ARHGAP32: variants seen among roughly 807,000 people sequenced by gnomAD.
The protein encoded by ARHGAP32 is Rho GTPase activating protein 32.
ARHGAP32 carries 51 observed loss-of-function variants against 186.5 expected under a neutral mutation model. The observed-to-expected ratio is 0.27, with a 90% CI of 0.22 to 0.35. ARHGAP32 has a LOEUF of 0.35. Among genes scored for constraint, ARHGAP32 ranks in the 10% least tolerant of loss-of-function variants. ARHGAP32 has a pLI of 1.00. For synonymous variants in ARHGAP32, 950 were observed against 964.3 expected (o/e 0.99, Z 0.27); for missense variants, 2,186 against 2,623.5 (o/e 0.83, Z 3.64).
chr11:129,220,805 A>G (rs982068956), intron 1 of ARHGAP32, among the ~76,000 whole-genome samples: 5 of 152,058 alleles, frequency 3.3e-5, no homozygotes, highest in African/African-American at 1.2e-4. Context: ...TAATGGTAAC[A>G]TATTTGCTCC....
At chr11:129,253,358 TGATA>T (rs747849939) in intron 1 of ARHGAP32, among the ~76,000 whole-genome samples, 4 of 151,890 alleles carry the variant, frequency 2.6e-5, no homozygotes, top group South Asian at 4.2e-4. Context: ...GCAAAAAGAG[TGATA>T]GATAGGAAAC....
intron 2 of ARHGAP32, among the ~76,000 whole-genome samples, chr11:129,152,792 G>A (rs1340796910): frequency 4.6e-5 from 7 of 152,084 alleles, no homozygotes; most frequent in Non-Finnish European, 8.8e-5. Context: ...ACTGAATAGG[G>A]ACAAGCTGAA....
intron 1 of ARHGAP32, among the ~76,000 whole-genome samples, chr11:129,228,808 G>A (rs368461289): frequency 1.0e-3 from 152 of 152,196 alleles, no homozygotes; most frequent in African/African-American, 3.5e-3. Flanking sequence ...CATGGCATAC[G>A]TTTACCTACA....
intron 11 of ARHGAP32, among the ~76,000 whole-genome samples, chr11:129,009,111 T>C (rs781224060): frequency 3.3e-5 from 5 of 152,222 alleles, no homozygotes; most frequent in Non-Finnish European, 7.4e-5. Context: ...ATTTCTATAA[T>C]ATTCAATATT....
At chr11:129,127,307 T>C (rs1027979102) in intron 2 of ARHGAP32, among the ~76,000 whole-genome samples, 4 of 152,108 alleles carry the variant, frequency 2.6e-5, no homozygotes, top group Non-Finnish European at 5.9e-5. Context: ...AACCTCTGCC[T>C]AAAAAGACAA....
chr11:129,200,313 T>C (rs1944442102), intron 1 of ARHGAP32, among the ~76,000 whole-genome samples: 1 of 152,168 alleles, frequency 6.6e-6, no homozygotes. Context: ...GGTTTGGCTG[T>C]GTCCCCACCC....
At position 128,973,037 on chromosome 11, in the gene ARHGAP32, G is replaced by A. The variant is rs373318450; in HGVS notation, c.3469C>T (p.His1157Tyr). The A allele has an allele frequency of 5.1e-5, 83 of 1,614,020 alleles. No individual in the cohort carries two copies. Among genetic ancestry groups the A allele is most frequent in the Non-Finnish European group, 6.7e-5 (79 of 1,180,032 alleles). Residue 1157 changes from histidine (H) to tyrosine (Y), a missense_variant, in exon 22 of 23, where the codon CAC becomes TAC. Physicochemically the swap from His to Tyr is moderately conservative, Grantham distance 83. Coordinates refer to ENST00000682385, the MANE Select transcript of ARHGAP32 (RefSeq NM_001378024.1). ...SNTTESGEQH[H>Y]QVDLTGNQPH... ...TGATTCCCTGTTAAGTCTACTTGGT[G>A]ATGTTGCTCCCCAGATTCAGTTGTG...
intron 1 of ARHGAP32, among the ~76,000 whole-genome samples, chr11:129,173,263 G>A (rs1943812117): frequency 6.6e-6 from 1 of 150,440 alleles, no homozygotes; most frequent in South Asian, 2.1e-4. Context: ...AAATTAGGAA[G>A]AAGCTGAATC....
intron 19 of ARHGAP32, among the ~76,000 whole-genome samples, chr11:128,976,939 G>C (rs1464438072): frequency 6.6e-6 from 1 of 152,168 alleles, no homozygotes; most frequent in African/African-American, 2.4e-5. Context: ...ATTTCCTAAA[G>C]ACCAATATGA....
chr11:129,055,791 CAGG>C (rs1940227627), intron 10 of ARHGAP32, among the ~76,000 whole-genome samples: 1 of 152,128 alleles, frequency 6.6e-6, no homozygotes, highest in Non-Finnish European at 1.5e-5. Flanking sequence ...AGGAGAAGCA[CAGG>C]AGATTTTTAG....
intron 2 of ARHGAP32, chr11:129,125,963 C>T (rs1027222864): frequency 3.5e-5 from 15 of 429,502 alleles, no homozygotes; most frequent in Non-Finnish European, 5.5e-5. Context: ...GGCTACCACA[C>T]GGATTCAATG....
chr11:128,976,848 G>A (rs771186225), intron 19 of ARHGAP32, among the ~76,000 whole-genome samples: 2 of 152,138 alleles, frequency 1.3e-5, no homozygotes, highest in Non-Finnish European at 2.9e-5. Context: ...GTTCTCAAAT[G>A]GTTTCCCGTG....
intron 1 of ARHGAP32, among the ~76,000 whole-genome samples, chr11:129,172,433 G>T (rs554587921): frequency 3.3e-5 from 5 of 152,130 alleles, no homozygotes; most frequent in African/African-American, 9.6e-5. Flanking sequence ...TAATCATGTG[G>T]TTTTGTCTTT....
chr11:128,990,939 T>C (rs1389813305), intron 12 of ARHGAP32, among the ~76,000 whole-genome samples: 3 of 152,210 alleles, frequency 2.0e-5, no homozygotes, highest in East Asian at 1.9e-4. Flanking sequence ...CAAATGAGCA[T>C]GCTGATTCAC....
intron 11 of ARHGAP32, among the ~76,000 whole-genome samples, chr11:129,034,600 G>A (rs1355033343): frequency 6.6e-6 from 1 of 151,866 alleles, no homozygotes; most frequent in Non-Finnish European, 1.5e-5. Flanking sequence ...TTAGCTTTAT[G>A]CGAGAAAAGA....
intron 11 of ARHGAP32, among the ~76,000 whole-genome samples, chr11:129,016,242 A>G (rs1003621319): frequency 6.6e-6 from 1 of 152,100 alleles, no homozygotes; most frequent in African/African-American, 2.4e-5. Context: ...TTACTGATGA[A>G]TAAGAATTCT....
chr11:129,026,697 G>A (rs1376445486), intron 11 of ARHGAP32, among the ~76,000 whole-genome samples: 2 of 151,468 alleles, frequency 1.3e-5, no homozygotes, highest in Non-Finnish European at 2.9e-5. Context: ...GGAGGCTGAG[G>A]CAGGAGAGCA....
At chr11:128,990,790 G>A (rs1946025697) in intron 12 of ARHGAP32, among the ~76,000 whole-genome samples, 1 of 152,134 alleles carries the variant, frequency 6.6e-6, no homozygotes, top group East Asian at 1.9e-4. Context: ...AATAAAATTT[G>A]GGGCTACAAA....
At position 128,972,596 on chromosome 11, in the gene ARHGAP32, C is replaced by G. The variant is rs200698355; in HGVS notation, c.3910G>C (p.Asp1304His). ...WDVAEQPTTA[D>H]FAAATLQRTH... ...CGCTGAAGTGTGGCAGCAGCAAAAT[C>G]AGCAGTGGTGGGTTGTTCAGCCACA... Residue 1304 changes from aspartate (D) to histidine (H), a missense_variant, in exon 22 of 23, where the codon GAT (aspartate) becomes CAT (histidine). Physicochemically the swap from Asp to His is moderately conservative, Grantham distance 81. Around this residue, in one of 5 missense-constraint regions of ARHGAP32, gnomAD observed 1,502 missense variants for 1,570.0 expected, o/e 0.96. Coordinates refer to ENST00000682385, the MANE Select transcript of ARHGAP32 (RefSeq NM_001378024.1). 3.7e-6 allele frequency: 6 copies of G among 1,605,568 alleles called. No individual in the cohort carries two copies. The highest frequency in any genetic ancestry group is 1.7e-4 in the Middle Eastern group (1 of 6,016).
Sources: gnomAD v4.1 joint callset for allele counts (sites outside exome capture counted in the v4.1 genomes callset) on GRCh38, gnomAD v4.1.1 for gene constraint, gnomAD v4.1.1 regional missense constraint, MANE v1.5 for transcripts, NCBI Gene and HGNC (gene_info 2026-07-23, HGNC 2026-07-21) for gene names.